The following RXFP1 variants were observed in gnomAD, a reference collection of about 807,000 sequenced individuals.
RXFP1 encodes relaxin family peptide receptor 1, also known as relaxin receptor 1.
A neutral mutation model predicts 89.8 loss-of-function variants in RXFP1; 73 were observed. That is an observed-to-expected ratio of 0.81 (90% CI 0.67 to 0.99). The LOEUF (loss-of-function observed/expected upper bound fraction) is 0.99. Among genes scored for constraint, RXFP1 ranks in the 50% least tolerant of loss-of-function variants. The pLI is 0.00. For synonymous variants in RXFP1, 277 were observed against 305.5 expected (o/e 0.91, Z 0.97); for missense variants, 793 against 895.5 (o/e 0.89, Z 1.46).
At chr4:158,579,645 G>A (rs745864621) in intron 2 of RXFP1, among the ~76,000 whole-genome samples, 1 of 152,218 alleles carries the variant, frequency 6.6e-6, no homozygotes, top group African/African-American at 2.4e-5. Context: ...AGGACAGTTT[G>A]TGGAGAAGGG....
Position 158,645,148 on chromosome 4 carries a change from T to C in RXFP1, c.1345+10T>C. Reference sequence around the variant, plus strand: ...ATCATTTCTCTCTGCTGTGAGTATTTCCTGGTTAAAGGAGAATTGTAGTTT... The same window carrying C: ...ATCATTTCTCTCTGCTGTGAGTATTCCCTGGTTAAAGGAGAATTGTAGTTT... On this transcript the variant is annotated intron_variant, in intron 15 of 17. Coordinates refer to ENST00000307765, the MANE Select transcript of RXFP1 (RefSeq NM_021634.4). The C allele has an allele frequency of 6.3e-7, 1 of 1,590,334 alleles. No individual in the cohort carries two copies. Among genetic ancestry groups the C allele is most frequent in the Non-Finnish European group, 8.6e-7 (1 of 1,158,494 alleles).
At chr4:158,526,590 G>A (rs968501501) in intron 1 of RXFP1, among the ~76,000 whole-genome samples, 5 of 152,188 alleles carry the variant, frequency 3.3e-5, no homozygotes, top group African/African-American at 1.2e-4. Flanking sequence ...ACAGTGTAAA[G>A]TGAGATATCA....
chr4:158,611,643 C>T (rs1019202870), intron 6 of RXFP1, among the ~76,000 whole-genome samples: 20 of 152,212 alleles, frequency 1.3e-4, no homozygotes, highest in African/African-American at 4.8e-4. Context: ...CAAGACTCTT[C>T]TCAATTGTGC....
rs1310501306 is a variant in RXFP1 at position 158,573,955 on chromosome 4, A to G, written c.187+1120A>G. ...TTCTAAAAGAGACAAAACAAACAAT[A>G]TGTAAATACAACTTACTTCCTACTT... On this transcript the variant is annotated intron_variant, in intron 2 of 17. Coordinates refer to ENST00000307765, the MANE Select transcript of RXFP1 (RefSeq NM_021634.4). 3.3e-5 allele frequency among the ~76,000 whole-genome samples: 5 copies of G among 152,342 alleles called. No individual in the cohort carries two copies. The East Asian group carries it at 9.6e-4, about 29-fold the overall frequency.
In RXFP1 at chr4:158,612,129, G is replaced by A. The variant is rs754617777; in HGVS notation, c.537-1G>A. On this transcript the variant is annotated splice_acceptor_variant, in intron 6 of 17. Transcript: ENST00000307765. LOFTEE classifies it high-confidence loss of function. ...TATTGTAGTTATTTCTCCTTTTCCA[G>A]GTATCTCAGTCATAACAGAATAACC... 6.3e-6 allele frequency: 10 copies of A among 1,595,388 alleles called. No individual in the cohort carries two copies. Among genetic ancestry groups the A allele is most frequent in the Non-Finnish European group, 8.5e-6 (10 of 1,172,796 alleles).
chr4:158,572,125 C>G (rs779655596), intron 1 of RXFP1, among the ~76,000 whole-genome samples: 7 of 152,206 alleles, frequency 4.6e-5, no homozygotes, highest in Non-Finnish European at 7.3e-5. Context: ...TGTTCTGCCC[C>G]AAAACCCGGA....
intron 1 of RXFP1, among the ~76,000 whole-genome samples, chr4:158,551,847 A>G (rs1190728181): frequency 2.6e-5 from 4 of 152,146 alleles, no homozygotes; most frequent in Non-Finnish European, 4.4e-5. Flanking sequence ...AGGCTGAGGT[A>G]GGAGGATTGC....
chr4:158,603,693 C>T (rs1762089226), intron 4 of RXFP1, among the ~76,000 whole-genome samples: 1 of 151,744 alleles, frequency 6.6e-6, no homozygotes. Context: ...AGTTCGAGAC[C>T]AGCCTGACCA....
rs1389890139 is a variant in RXFP1 at position 158,538,445 on chromosome 4, T to C, written c.49+16420T>C. 2.0e-5 allele frequency among the ~76,000 whole-genome samples: 3 copies of C among 152,200 alleles called. No individual in the cohort carries two copies. The East Asian group carries it at 5.8e-4, about 29-fold the overall frequency. ...AGGTGATGGGCTGAGAAAAGAATTC[T>C]TTATTCCTAAAAGATGAGAGAATGC... On this transcript the variant is annotated intron_variant, in intron 1 of 17. Transcript: ENST00000307765.
intron 9 of RXFP1, among the ~76,000 whole-genome samples, chr4:158,623,502 C>CAAAAACAAAAAAAAAAAAAAAAAAAAA (rs1766057746): frequency 2.3e-5 from 1 of 42,604 alleles, no homozygotes; most frequent in Non-Finnish European, 4.9e-5. Context: ...AACTCCATCT[C>CAAAAACAAAAAAAAAAAAAAAAAAAAA]AAAAAAAAAA....
At chr4:158,595,763 G>A (rs955138149) in intron 3 of RXFP1, among the ~76,000 whole-genome samples, 3 of 152,098 alleles carry the variant, frequency 2.0e-5, no homozygotes, top group African/African-American at 4.8e-5. Flanking sequence ...GGGGATAGAC[G>A]TCACTCTTGT....
rs1580342123 is a variant in RXFP1 at position 158,648,538 on chromosome 4, A to G, written c.1796A>G (p.Tyr599Cys). ...GCATTTATCATCATAGTTTTTTCCT[A>G]TGGAAGCATGTTTTATAGTGTTCAT... The part of the protein sequence containing the change: ...LAAFIIIVFS[Y>C]GSMFYSVHQS... The change falls in exon 17 of 18, where the codon TAT becomes TGT. Residue 599 changes from tyrosine (Y) to cysteine (C), a missense_variant. Physicochemically the swap from Tyr to Cys is radical, Grantham distance 194 (BLOSUM62 -2). Coordinates refer to ENST00000307765, the MANE Select transcript of RXFP1 (RefSeq NM_021634.4). 1.2e-6 allele frequency: 2 copies of G among 1,609,540 alleles called. No homozygotes were observed. Among genetic ancestry groups the G allele is most frequent in the South Asian group, 1.1e-5 (1 of 89,942 alleles).
At chr4:158,612,009 G>T in intron 6 of RXFP1, 121 bp from the exon 7 acceptor site, 2 of 710,016 alleles carry the variant, frequency 2.8e-6, no homozygotes, top group Non-Finnish European at 2.4e-6. Context: ...TCAAAGGCAG[G>T]GAAGTGGCAT....
At chr4:158,610,117 T>A (rs1367618067) in intron 6 of RXFP1, among the ~76,000 whole-genome samples, 4 of 151,920 alleles carry the variant, frequency 2.6e-5, no homozygotes, top group Non-Finnish European at 4.4e-5. Flanking sequence ...TACAAAAAAT[T>A]AGCCGGGCAT....
At chr4:158,639,933 A>C (rs2150235803) in intron 14 of RXFP1, among the ~76,000 whole-genome samples, 1 of 152,314 alleles carries the variant, frequency 6.6e-6, no homozygotes, top group East Asian at 1.9e-4. Flanking sequence ...AGACAGACAG[A>C]GAAGATGGCC....
At chr4:158,642,842 G>A (rs114916776) in intron 14 of RXFP1, among the ~76,000 whole-genome samples, 2,437 of 152,184 alleles carry the variant, frequency 0.016, 35 homozygotes, top group Non-Finnish European at 0.026. Context: ...GGTTTAATAC[G>A]GGAGAGAAAG....
In RXFP1 at chr4:158,633,505, G is replaced by A. The variant is rs752818702; in HGVS notation, c.971+29G>A. ...AGACTGATGTTAATTTTGCCACCTC[G>A]TTTCTTTATTTTATTATTTTTTAAA... On this transcript the variant is annotated intron_variant, in intron 12 of 17. Transcript: ENST00000307765. 110 of 1,373,290 alleles carry A rather than the reference G, an allele frequency of 8.0e-5. 1 individual carries two copies. Among genetic ancestry groups the A allele is most frequent in the Middle Eastern group, 7.8e-4 (4 of 5,148 alleles). 85.1% of individuals were successfully genotyped at this position (1,373,290 alleles called of 1,614,324 possible).
At chr4:158,533,191 A>C (rs187418518) in intron 1 of RXFP1, among the ~76,000 whole-genome samples, 40 of 152,294 alleles carry the variant, frequency 2.6e-4, no homozygotes, top group Non-Finnish European at 3.7e-4. Flanking sequence ...AAAAAATATT[A>C]TCTCTCTCAA....
At chr4:158,651,048 C>G (rs533532363) in intron 17 of RXFP1, among the ~76,000 whole-genome samples, 2 of 152,224 alleles carry the variant, frequency 1.3e-5, no homozygotes, top group Admixed American at 1.3e-4. Context: ...CGCTTGGGCC[C>G]AGGAGGTCAA....
Sources: allele counts gnomAD v4.1 joint callset (sites outside exome capture counted in the v4.1 genomes callset), GRCh38; gene constraint gnomAD v4.1.1; transcripts MANE v1.5; gene names NCBI Gene and HGNC (gene_info 2026-07-23, HGNC 2026-07-21).